Variants in CCDC9 observed in about 807,000 individuals in gnomAD.
CCDC9 encodes coiled-coil domain-containing protein 9.
Under a neutral mutation model 65.6 loss-of-function variants are expected in CCDC9, and 52 were observed. The ratio of observed to expected loss-of-function variants is 0.79; its 90% confidence interval spans 0.63 to 1.00. CCDC9 has a LOEUF of 1.00. CCDC9 is among the 50% of genes least tolerant of loss of function. CCDC9 has a pLI of 0.00. For synonymous variants in CCDC9, 332 were observed against 280.3 expected (o/e 1.18, Z -1.84); for missense variants, 834 against 757.2 (o/e 1.10, Z -1.19).
In CCDC9 at chr19:47,260,839, G is replaced by A. The variant is rs1425578458; in HGVS notation, c.462G>A (p.Lys154=). The A allele has an allele frequency of 1.2e-6, 2 of 1,611,152 alleles. No individual in the cohort carries two copies. Among genetic ancestry groups the A allele is most frequent in the Admixed American group, 1.7e-5 (1 of 59,114 alleles). Residue 154 remains lysine (K), a splice_region_variant and synonymous_variant, in exon 5 of 12, where the codon AAG becomes AAA. Coordinates refer to ENST00000221922, the MANE Select transcript of CCDC9 (RefSeq NM_015603.3). The part of the protein sequence containing the change: ...GDTSISDRKS[K]EWEERRRQNI... ...CCTCAATCTCTGACCGTAAATCCAA[G>A]GTAGGAGCTAGGCAGCGCCTGGAGC...
chr19:47,262,227 T>G (rs183213342), intron 5 of CCDC9, among the ~76,000 whole-genome samples: 2,696 of 148,872 alleles, frequency 0.018, 125 homozygotes, highest in African/African-American at 0.064. Context: ...TTTTTTTTTT[T>G]TTTTCTTGAG....
chr19:47,258,844 A>G (rs2123440791), intron 3 of CCDC9, among the ~76,000 whole-genome samples, 181 bp downstream of exon 3: 1 of 152,228 alleles, frequency 6.6e-6, no homozygotes, highest in Non-Finnish European at 1.5e-5. Context: ...ATTTGTTCAC[A>G]AATATTCCCC....
intron 5 of CCDC9, among the ~76,000 whole-genome samples, chr19:47,264,370 A>AC (rs1216944448): frequency 6.6e-6 from 1 of 151,860 alleles, no homozygotes; most frequent in African/African-American, 2.4e-5. Flanking sequence ...GAAATTCCAG[A>AC]CCCCCCAGTA....
chr19:47,257,465 GT>G (rs1331266499), intron 1 of CCDC9: 1 of 150,272 alleles, frequency 6.7e-6, no homozygotes, highest in Non-Finnish European at 1.5e-5. Flanking sequence ...GGGCCAGAAA[GT>G]TTTTTCCCGA....
chr19:47,260,378 C>T lies in CCDC9; in HGVS notation c.166C>T (p.Arg56Ter), dbSNP rs1309153146. The change falls in exon 4 of 12, where the codon CGA (arginine) becomes TGA (stop). Residue 56 changes from arginine to a stop codon, truncating the protein, a stop_gained. Coordinates refer to ENST00000221922, the MANE Select transcript of CCDC9 (RefSeq NM_015603.3). LOFTEE classifies it high-confidence loss of function. ...ELEGVAVTAP[R>*]KGRSVEKENV... is the part of the protein sequence containing the mutation. ...TGAGGGAGTCGCAGTCACAGCTCCC[C>T]GAAAGGGCCGCTCAGTGGAGAAGGA... 4.4e-6 allele frequency: 7 copies of T among 1,605,054 alleles called. No homozygotes were observed. The highest frequency in any genetic ancestry group is 1.7e-5 in the Admixed American group (1 of 58,712).
intron 7 of CCDC9, 136 bp downstream of exon 7, chr19:47,265,082 G>GA (rs1568638610): frequency 1.5e-6 from 1 of 682,808 alleles, no homozygotes; most frequent in African/African-American, 1.9e-5. Context: ...TTTTGAGACG[G>GA]ATTCTCGCTC....
At chr19:47,263,201 T>C (rs1467165900) in intron 5 of CCDC9, among the ~76,000 whole-genome samples, 2 of 152,084 alleles carry the variant, frequency 1.3e-5, no homozygotes, top group Non-Finnish European at 2.9e-5. Context: ...TGCCAAGTAA[T>C]TACTGTTATT....
In CCDC9 at chr19:47,271,788, T is replaced by C. The variant is rs1299510445; in HGVS notation, c.*110T>C. The stretch of plus-strand genomic sequence containing the variant: ...GAGGGGTGTGGCTGGTGGGGGACCC[T>C]TGGGGCTGGGCCCTGGGACCCAGTG... On this transcript the variant is annotated 3_prime_UTR_variant, in exon 12 of 12. Transcript: ENST00000221922. The C allele has an allele frequency of 1.4e-6, 2 of 1,452,188 alleles. No homozygotes were observed. The highest frequency in any genetic ancestry group is 1.8e-6 in the Non-Finnish European group (2 of 1,108,018). The allele number at this position is 1,452,188 out of a possible 1,614,324, so 90.0% of individuals were successfully genotyped here.
rs1441351735 is a variant in CCDC9, at chr19:47,257,031, A to G, written c.-72+422A>G. Among the ~76,000 whole-genome samples the G allele has an allele frequency of 6.2e-5, 9 of 146,044 alleles. No homozygotes were observed. In the South Asian group the frequency reaches 1.6e-3, roughly 26 times the overall value. On this transcript the variant is annotated intron_variant, in intron 1 of 11. Coordinates refer to ENST00000221922, the MANE Select transcript of CCDC9 (RefSeq NM_015603.3). ...GACGCAATGGCGGGGGCGGGGCCAC[A>G]ATGTAGTGGGGGAGCCAGGGGGCGG...
At chr19:47,275,194 C>G, downstream of CCDC9, 1 of 1,501,204 alleles carries the variant, frequency 6.7e-7, no homozygotes, top group Non-Finnish European at 8.9e-7. Context: ...GCCGCTGCCT[C>G]CCTCTCCTGC....
chr19:47,270,505 G>T, intron 9 of CCDC9, 48 bp from the exon 10 acceptor site: 1 of 1,614,204 alleles, frequency 6.2e-7, no homozygotes, highest in Non-Finnish European at 8.5e-7. Flanking sequence ...GTCAGGGGTG[G>T]TGTGTGCCAC....
At chr19:47,266,443 AGATCTGAGAGG>A in intron 7 of CCDC9, 157 bp from the exon 8 acceptor site, 1 of 983,240 alleles carries the variant, frequency 1.0e-6, no homozygotes, top group Non-Finnish European at 1.4e-6. Flanking sequence ...GCTACTTAGG[AGATCTGAGAGG>A]GCCTCTGTGA....
At chr19:47,256,914 G>A (rs1485163301) in intron 1 of CCDC9, among the ~76,000 whole-genome samples, 1 of 152,082 alleles carries the variant, frequency 6.6e-6, no homozygotes, top group Non-Finnish European at 1.5e-5. Flanking sequence ...CGGACGCCGG[G>A]CGGAAGCTCT....
At chr19:47,258,867 AG>A (rs770439860) in intron 3 of CCDC9, among the ~76,000 whole-genome samples, 2 of 152,152 alleles carry the variant, frequency 1.3e-5, no homozygotes, top group Non-Finnish European at 2.9e-5. Flanking sequence ...GATCTTTACC[AG>A]CCCCAGTGCT....
chr19:47,275,024 C>T, downstream of CCDC9: 7 of 1,487,534 alleles, frequency 4.7e-6, no homozygotes, highest in Non-Finnish European at 6.2e-6. Context: ...CGGTATGCGC[C>T]TACTTCCTCT....
downstream of CCDC9, chr19:47,273,993 T>G (rs1282588231): frequency 2.1e-5 from 21 of 984,526 alleles, no homozygotes; most frequent in Middle Eastern, 5.2e-4. Flanking sequence ...AAGACGCTGC[T>G]GGGAGGGGAC....
intron 7 of CCDC9, 40 bp downstream of exon 7, chr19:47,264,986 C>T (rs1265136948): frequency 3.5e-6 from 5 of 1,418,416 alleles, no homozygotes; most frequent in Middle Eastern, 2.6e-4. Context: ...GCTCTCAGGG[C>T]TTTGATGGGG....
chr19:47,274,151 G>A (rs1480845664), downstream of CCDC9, among the ~76,000 whole-genome samples: 1 of 152,224 alleles, frequency 6.6e-6, no homozygotes, highest in Non-Finnish European at 1.5e-5. Flanking sequence ...GCTGGGAGAA[G>A]GGGCGCGATT....
At chr19:47,275,187 GCTGCCTCCCTCTC>G (rs1169592828), downstream of CCDC9, 2 of 1,475,930 alleles carry the variant, frequency 1.4e-6, no homozygotes, top group East Asian at 2.8e-5. Flanking sequence ...GGCGCCCGCC[GCTGCCTCCCTCTC>G]CTGCCTCCTG....
Sources: gnomAD v4.1 joint callset for allele counts (sites outside exome capture counted in the v4.1 genomes callset) on GRCh38, gnomAD v4.1.1 for gene constraint, MANE v1.5 for transcripts, NCBI Gene and HGNC (gene_info 2026-07-23, HGNC 2026-07-21) for gene names.